KIRREL3: variants seen among roughly 807,000 people sequenced by gnomAD.
KIRREL3 encodes kirre like nephrin family adhesion molecule 3.
In KIRREL3, 36 loss-of-function variants were observed where a neutral mutation model predicts 89.7. That is an observed-to-expected ratio of 0.40 (90% confidence interval 0.31 to 0.53). The LOEUF is 0.53. KIRREL3 is among the 20% of genes least tolerant of loss of function. KIRREL3 has a pLI of 0.49. For missense variants in KIRREL3, 864 were observed against 1,056.6 expected (o/e 0.82, Z 2.53); for synonymous variants, 445 against 441.4 (o/e 1.01, Z -0.10).
intron 1 of KIRREL3, among the ~76,000 whole-genome samples, chr11:126,842,403 C>T (rs1028678091): frequency 3.7e-4 from 56 of 152,198 alleles, no homozygotes. Flanking sequence ...TAATGTAAAT[C>T]CTCTTCTATC....
rs1160775782 is a variant in KIRREL3, at chr11:126,424,252, T to TA, written c.*327dup. The stretch of plus-strand genomic sequence containing the variant: ...GACCGCAGTTTCATGAAAGCAGAGT[T>TA]ATAGCTGCCACTTGTGCCTGTGGGC... On this transcript the variant is annotated 3_prime_UTR_variant, in exon 17 of 17. Coordinates refer to ENST00000525144, the MANE Select transcript of KIRREL3 (RefSeq NM_032531.4). 2.5e-6 allele frequency: 1 copy of TA among 398,556 alleles called. No individual in the cohort carries two copies. Among genetic ancestry groups the TA allele is most frequent in the Admixed American group, 3.8e-5 (1 of 26,528 alleles). The allele number at this position is 398,556 out of a possible 1,614,324, so 24.7% of individuals were successfully genotyped here.
chr11:126,649,274 C>T (rs1944816477), intron 1 of KIRREL3, among the ~76,000 whole-genome samples: 1 of 152,132 alleles, frequency 6.6e-6, no homozygotes, highest in Non-Finnish European at 1.5e-5. Context: ...CTCCTGGCCC[C>T]TCCAAATCTA....
At chr11:126,760,651 A>T (rs1327876728) in intron 1 of KIRREL3, among the ~76,000 whole-genome samples, 1 of 152,186 alleles carries the variant, frequency 6.6e-6, no homozygotes, top group African/African-American at 2.4e-5. Flanking sequence ...TCTATTCAGG[A>T]TCTGCAGGAG....
Position 126,766,357 on chromosome 11 carries a change from C to T in KIRREL3, c.56-203445G>A, listed in dbSNP as rs1395051232. Among the ~76,000 whole-genome samples, 1 of 152,094 alleles carries T rather than the reference C, an allele frequency of 6.6e-6. No individual in the cohort carries two copies. Among genetic ancestry groups the T allele is most frequent in the African/African-American group, 2.4e-5 (1 of 41,412 alleles). On this transcript the variant is annotated intron_variant, in intron 1 of 16. Transcript: ENST00000525144. The surrounding 1 kb of genome is among the most constrained non-coding windows in gnomAD (Gnocchi z 4.2). ...GTGTTGCAGAATTAGAACACTCACTCCTACGCGGAGAAGAAAAAACTTGGG... is the reference window on the plus strand; with the variant it reads ...GTGTTGCAGAATTAGAACACTCACTTCTACGCGGAGAAGAAAAAACTTGGG...
At chr11:126,532,259 C>T (rs1054749898) in intron 2 of KIRREL3, among the ~76,000 whole-genome samples, 2 of 152,192 alleles carry the variant, frequency 1.3e-5, no homozygotes, top group East Asian at 1.9e-4. Flanking sequence ...ATTTTCTCAC[C>T]ACTATCCGAT....
intron 1 of KIRREL3, among the ~76,000 whole-genome samples, chr11:126,885,579 C>G (rs11220648): frequency 0.24 from 37,041 of 152,098 alleles, 4,544 homozygotes; most frequent in Admixed American, 0.31. Flanking sequence ...TCGTTATCAT[C>G]ATCAAAGTTA....
At chr11:126,949,363 G>C (rs745529519) in intron 1 of KIRREL3, among the ~76,000 whole-genome samples, 3 of 152,170 alleles carry the variant, frequency 2.0e-5, no homozygotes, top group African/African-American at 7.2e-5. Flanking sequence ...TATCAGAACT[G>C]CTCTAAAGGG....
Position 126,587,888 on chromosome 11 carries a change from T to C in KIRREL3, c.56-24976A>G, listed in dbSNP as rs974589648. 3.9e-5 allele frequency among the ~76,000 whole-genome samples: 6 copies of C among 152,198 alleles called. No individual in the cohort carries two copies. The highest frequency in any genetic ancestry group is 3.9e-4 in the Admixed American group (6 of 15,276). ...CATGAGAGTGAGTGAATGCAAGGAA[T>C]GAATGACTCTAAGGAGAGCTGGGCC... On this transcript the variant is annotated intron_variant, in intron 1 of 16. Coordinates refer to ENST00000525144, the MANE Select transcript of KIRREL3 (RefSeq NM_032531.4). The surrounding 1 kb of genome is among the most constrained non-coding windows in gnomAD (Gnocchi z 5.2).
intron 1 of KIRREL3, among the ~76,000 whole-genome samples, chr11:126,717,818 G>A (rs902208595): frequency 3.9e-5 from 6 of 152,182 alleles, no homozygotes; most frequent in Admixed American, 1.3e-4. Context: ...GCGCTGATGT[G>A]TGGCATATCT....
intron 1 of KIRREL3, among the ~76,000 whole-genome samples, chr11:126,874,398 T>A (rs897284831): frequency 6.6e-6 from 1 of 152,200 alleles, no homozygotes; most frequent in African/African-American, 2.4e-5. Flanking sequence ...GCATCTCTTA[T>A]TCAGGGTAAA....
chr11:126,763,992 A>G lies in KIRREL3; in HGVS notation c.56-201080T>C, dbSNP rs142188033. Among the ~76,000 whole-genome samples the G allele has an allele frequency of 1.2e-3, 188 of 152,206 alleles. No homozygotes were observed. The highest frequency in any genetic ancestry group is 2.3e-3 in the Non-Finnish European group (154 of 68,006). ...CTGCATTCCCCTCCCCATCCACAGC[A>G]TAGTTCTCCCATCATTCCTTCTTTG... On this transcript the variant is annotated intron_variant, in intron 1 of 16. Transcript: ENST00000525144. This position sits in a 1 kb window ranked among gnomAD's most constrained non-coding sequence, Gnocchi z 4.7.
At position 126,555,601 on chromosome 11, in the gene KIRREL3, C is replaced by G. The variant is rs1463805582; in HGVS notation, c.133+7234G>C. On this transcript the variant is annotated intron_variant, in intron 2 of 16. Coordinates refer to ENST00000525144, the MANE Select transcript of KIRREL3 (RefSeq NM_032531.4). The surrounding 1 kb of genome is among the most constrained non-coding windows in gnomAD (Gnocchi z 4.2). ...ACACAGGGAGCAGGGTAGACACAGG[C>G]CCTATGACAGGGGCCCTGCTTGAGG... 2.6e-5 allele frequency among the ~76,000 whole-genome samples: 4 copies of G among 152,076 alleles called. No individual in the cohort carries two copies. The highest frequency in any genetic ancestry group is 5.9e-5 in the Non-Finnish European group (4 of 68,022).
Position 126,645,366 on chromosome 11 carries a change from G to A in KIRREL3, c.56-82454C>T, listed in dbSNP as rs201880348. On this transcript the variant is annotated intron_variant, in intron 1 of 16. Transcript: ENST00000525144. The surrounding 1 kb of genome is among the most constrained non-coding windows in gnomAD (Gnocchi z 4.9). ...TCTCCCAGAGCATTTACCACACGGT[G>A]CTGCTGGTATGCCAGCCTTTCTCCT... 1.2e-4 allele frequency among the ~76,000 whole-genome samples: 19 copies of A among 152,306 alleles called. No homozygotes were observed. Among genetic ancestry groups the A allele is most frequent in the East Asian group, 1.2e-3 (6 of 5,178 alleles).
rs932186034 is a variant in KIRREL3 at position 126,427,670 on chromosome 11, C to T, written c.1806+1509G>A. ...GCCTGGCACTGAGGAGCCCTGATGG[C>T]ACACCAGGAAGTTGGGCTTTGTCCA... On this transcript the variant is annotated intron_variant, in intron 15 of 16. Transcript: ENST00000525144. The surrounding 1 kb of genome is among the most constrained non-coding windows in gnomAD (Gnocchi z 5.3). Among the ~76,000 whole-genome samples the T allele has an allele frequency of 6.6e-6, 1 of 152,164 alleles. No individual in the cohort carries two copies. The highest frequency in any genetic ancestry group is 2.4e-5 in the African/African-American group (1 of 41,424).
At chr11:126,881,324 A>T (rs988619196) in intron 1 of KIRREL3, among the ~76,000 whole-genome samples, 10 of 152,034 alleles carry the variant, frequency 6.6e-5, no homozygotes, top group African/African-American at 2.4e-4. Context: ...GTTCCTTCAG[A>T]TCAGTGCCCT....
At chr11:126,618,533 CA>C (rs1041756688) in intron 1 of KIRREL3, among the ~76,000 whole-genome samples, 2 of 152,162 alleles carry the variant, frequency 1.3e-5, no homozygotes, top group Non-Finnish European at 2.9e-5. Context: ...CTCCTGGGTT[CA>C]AGCGATTCTC....
In KIRREL3 at chr11:126,615,177, T is replaced by G. The variant is rs1005302043; in HGVS notation, c.56-52265A>C. On this transcript the variant is annotated intron_variant, in intron 1 of 16. Transcript: ENST00000525144. This position sits in a 1 kb window ranked among gnomAD's most constrained non-coding sequence, Gnocchi z 5.4. ...GTAGAGCTGTGCTTCATATTCCCCGTGCATACCTCTGCCTTAGCACCTGCT... is the reference window on the plus strand; with the variant it reads ...GTAGAGCTGTGCTTCATATTCCCCGGGCATACCTCTGCCTTAGCACCTGCT... Among the ~76,000 whole-genome samples the G allele has an allele frequency of 6.6e-6, 1 of 152,160 alleles. No homozygotes were observed. Among genetic ancestry groups the G allele is most frequent in the Admixed American group, 6.5e-5 (1 of 15,284 alleles).
chr11:126,658,709 TCTC>T (rs1179605278), intron 1 of KIRREL3, among the ~76,000 whole-genome samples: 2 of 152,200 alleles, frequency 1.3e-5, no homozygotes, highest in African/African-American at 4.8e-5. Flanking sequence ...ATCAACAGCT[TCTC>T]CTTCTTGTTG....
rs1228037862 is a variant in KIRREL3 at position 126,993,450 on chromosome 11, C to CT, written c.55+7004dup. Among the ~76,000 whole-genome samples, 1 of 152,220 alleles carries CT rather than the reference C, an allele frequency of 6.6e-6. No individual in the cohort carries two copies. Among genetic ancestry groups the CT allele is most frequent in the East Asian group, 1.9e-4 (1 of 5,200 alleles). On this transcript the variant is annotated intron_variant, in intron 1 of 16. Transcript: ENST00000525144. The surrounding 1 kb of genome is among the most constrained non-coding windows in gnomAD (Gnocchi z 6.1). ...CTTTTCATGCTTCGTTTAGAGAACT[C>CT]TTGAGCATCCTATAATATCAAGCAT...
Sources: allele counts gnomAD v4.1 joint callset (sites outside exome capture counted in the v4.1 genomes callset), GRCh38; gene constraint gnomAD v4.1.1; non-coding constraint Gnocchi (gnomAD v3.1); transcripts MANE v1.5; gene names NCBI Gene and HGNC (gene_info 2026-07-23, HGNC 2026-07-21).